MARCHF1: variants seen among roughly 807,000 people sequenced by gnomAD.
MARCHF1 encodes E3 ubiquitin-protein ligase MARCHF1.
A neutral mutation model predicts 54.2 loss-of-function variants in MARCHF1; 40 were observed. That is an observed-to-expected ratio of 0.74 (90% CI 0.57 to 0.96). MARCHF1 has a LOEUF of 0.96. MARCHF1 is among the 40% of genes least tolerant of loss of function. The probability of loss-of-function intolerance (pLI) is 0.00; values close to 1 mark genes in which losing one functional copy is unlikely to be tolerated. For synonymous variants in MARCHF1, 236 were observed against 236.3 expected (o/e 1.00, Z 0.01); for missense variants, 586 against 656.5 (o/e 0.89, Z 1.17).
intron 2 of MARCHF1, among the ~76,000 whole-genome samples, chr4:164,005,289 G>A (rs1049271790): frequency 2.0e-5 from 3 of 151,980 alleles, no homozygotes; most frequent in Non-Finnish European, 4.4e-5. Flanking sequence ...TTTTAATACC[G>A]CAATTAAATT....
chr4:164,207,230 T>G (rs975440460), intron 1 of MARCHF1, among the ~76,000 whole-genome samples: 8 of 152,232 alleles, frequency 5.3e-5, no homozygotes, highest in African/African-American at 1.4e-4. Context: ...TCCTAATACA[T>G]CTGTATAACA....
At chr4:164,371,927 T>A (rs1731047786) in intron 1 of MARCHF1, among the ~76,000 whole-genome samples, 1 of 152,198 alleles carries the variant, frequency 6.6e-6, no homozygotes, top group African/African-American at 2.4e-5. Flanking sequence ...ACATTACAAT[T>A]ATCTTTTGTA....
At chr4:163,629,733 G>A (rs988809702) in intron 5 of MARCHF1, among the ~76,000 whole-genome samples, 2 of 152,168 alleles carry the variant, frequency 1.3e-5, no homozygotes, top group Admixed American at 1.3e-4. Context: ...CCTAATGTAG[G>A]TGAAGGATTG....
intron 1 of MARCHF1, among the ~76,000 whole-genome samples, chr4:164,267,165 T>C (rs4056036): frequency 6.6e-6 from 1 of 152,170 alleles, no homozygotes; most frequent in East Asian, 1.9e-4. Flanking sequence ...CCAGAAAAGA[T>C]AGCACATTTG....
chr4:163,599,046 T>C (rs1458627775), intron 7 of MARCHF1, among the ~76,000 whole-genome samples: 1 of 152,164 alleles, frequency 6.6e-6, no homozygotes, highest in Non-Finnish European at 1.5e-5. Flanking sequence ...CCCAGCACTT[T>C]GGGAGGCCAA....
intron 4 of MARCHF1, among the ~76,000 whole-genome samples, chr4:163,837,511 T>C (rs1280236218): frequency 6.6e-6 from 1 of 151,976 alleles, no homozygotes; most frequent in Non-Finnish European, 1.5e-5. Flanking sequence ...AAACAAAACT[T>C]GTAAAAAGTG....
chr4:163,751,344 T>A (rs1174560699), intron 4 of MARCHF1, among the ~76,000 whole-genome samples: 1 of 152,078 alleles, frequency 6.6e-6, no homozygotes, highest in Middle Eastern at 3.2e-3. Flanking sequence ...TATTACCATT[T>A]CTATGTAACA....
intron 7 of MARCHF1, among the ~76,000 whole-genome samples, chr4:163,606,142 G>A (rs10005692): frequency 0.019 from 2,910 of 152,218 alleles, 88 homozygotes; most frequent in African/African-American, 0.066. Flanking sequence ...TCCAACCTAA[G>A]CTGGAGCTAG....
chr4:163,836,006 C>T (rs1035025112), intron 4 of MARCHF1, among the ~76,000 whole-genome samples: 6 of 152,012 alleles, frequency 3.9e-5, no homozygotes, highest in Admixed American at 3.3e-4. Flanking sequence ...GAAAATGAAC[C>T]GGACTCAGCT....
At chr4:164,183,125 A>C (rs752891412) in intron 1 of MARCHF1, among the ~76,000 whole-genome samples, 10 of 152,074 alleles carry the variant, frequency 6.6e-5, no homozygotes, top group Non-Finnish European at 1.5e-4. Context: ...TTTGATCACT[A>C]AATTTTAACA....
chr4:164,325,332 A>ATT (rs1431153777), intron 1 of MARCHF1, among the ~76,000 whole-genome samples: 6 of 108,470 alleles, frequency 5.5e-5, no homozygotes, highest in African/African-American at 1.1e-4. Context: ...GTAGACAGAA[A>ATT]TTATATATAT....
chr4:163,883,752 G>A (rs1476232468), intron 3 of MARCHF1, among the ~76,000 whole-genome samples: 1 of 152,148 alleles, frequency 6.6e-6, no homozygotes, highest in African/African-American at 2.4e-5. Context: ...AAATGTAACT[G>A]GGTGTCTTGT....
chr4:164,067,557 C>A (rs1454016419), intron 2 of MARCHF1, among the ~76,000 whole-genome samples: 1 of 152,138 alleles, frequency 6.6e-6, no homozygotes, highest in African/African-American at 2.4e-5. Context: ...GGATCCTTAC[C>A]TTTTGCCATA....
At chr4:163,779,426 C>T (rs1747400612) in intron 4 of MARCHF1, among the ~76,000 whole-genome samples, 1 of 152,052 alleles carries the variant, frequency 6.6e-6, no homozygotes, top group South Asian at 2.1e-4. Flanking sequence ...GCCTCTTGTA[C>T]TTAGGACTTA....
At chr4:163,543,337 G>A (rs893682905) in intron 9 of MARCHF1, among the ~76,000 whole-genome samples, 1 of 152,030 alleles carries the variant, frequency 6.6e-6, no homozygotes, top group Non-Finnish European at 1.5e-5. Context: ...TCGAGACAGA[G>A]TGAATAGGAT....
rs56954766 is a variant in MARCHF1, at chr4:164,369,983, A to G, written c.-323+13887T>C. Among the ~76,000 whole-genome samples the G allele has an allele frequency of 4.6e-3, 706 of 152,354 alleles. 6 individuals carry two copies. The highest frequency in any genetic ancestry group is 0.016 in the African/African-American group (660 of 41,584). The stretch of plus-strand genomic sequence containing the variant: ...ATTATTCATTATTACAACAAAAACC[A>G]TAATAATCCTGGGAATAAATTGCAA... On this transcript the variant is annotated intron_variant, in intron 1 of 9. Transcript: ENST00000514618.
At chr4:163,725,803 T>C (rs1466111346) in intron 4 of MARCHF1, among the ~76,000 whole-genome samples, 1 of 152,174 alleles carries the variant, frequency 6.6e-6, no homozygotes, top group Non-Finnish European at 1.5e-5. Context: ...TAGGTACCTG[T>C]CCTGAAAGAA....
chr4:163,624,840 A>T (rs1321183022), intron 5 of MARCHF1, among the ~76,000 whole-genome samples: 4 of 152,200 alleles, frequency 2.6e-5, no homozygotes, highest in African/African-American at 7.2e-5. Flanking sequence ...GGAAAATATT[A>T]TTCTCACAGT....
chr4:163,984,324 T>C (rs1430682812), intron 3 of MARCHF1, among the ~76,000 whole-genome samples: 1 of 152,174 alleles, frequency 6.6e-6, no homozygotes, highest in African/African-American at 2.4e-5. Flanking sequence ...AGGGGTTTGG[T>C]TTTTGTTTTC....
Sources: gnomAD v4.1 joint callset for allele counts (sites outside exome capture counted in the v4.1 genomes callset) on GRCh38, gnomAD v4.1.1 for gene constraint, MANE v1.5 for transcripts, NCBI Gene and HGNC (gene_info 2026-07-23, HGNC 2026-07-21) for gene names.